Variants in SHROOM3 observed in about 807,000 individuals in gnomAD.
SHROOM3 encodes the protein protein Shroom3.
A neutral mutation model predicts 138.6 loss-of-function variants in SHROOM3; 47 were observed. The ratio of observed to expected loss-of-function variants is 0.34; its 90% CI spans 0.27 to 0.43. The LOEUF (loss-of-function observed/expected upper bound fraction) is 0.43, where lower values mean the gene tolerates loss of function less well. SHROOM3 is among the 20% of genes least tolerant of loss of function. The probability of loss-of-function intolerance (pLI) is 1.00; values close to 1 mark genes in which losing one functional copy is unlikely to be tolerated. For missense variants in SHROOM3, 2,491 were observed against 2,596.5 expected (o/e 0.96, Z 0.88); for synonymous variants, 1,062 against 1,063.3 (o/e 1.00, Z 0.02).
At chr4:76,669,953 T>TA (rs1718829444) in intron 2 of SHROOM3, among the ~76,000 whole-genome samples, 1 of 152,198 alleles carries the variant, frequency 6.6e-6, no homozygotes, top group Admixed American at 6.5e-5. Flanking sequence ...CAGACTGAGG[T>TA]AATCTTTCTC....
Position 76,756,577 on chromosome 4 carries a change from C to T in SHROOM3, c.4838C>T (p.Thr1613Ile), listed in dbSNP as rs374441527. ...TSIKGSEAES[T>I]PPSFMSVHAQ... ...ATCAAGGGTTCAGAGGCTGAGTCCA[C>T]ACCACCCTCCTTCATGAGCGTTCAC... is the stretch of plus-strand genomic sequence containing the variant. Residue 1613 changes from threonine (T) to isoleucine (I), a missense_variant, in exon 8 of 11, where the codon ACA (threonine) becomes ATA (isoleucine). Transcript: ENST00000296043. The T allele has an allele frequency of 2.3e-5, 37 of 1,613,714 alleles. No individual in the cohort carries two copies. The highest frequency in any genetic ancestry group is 2.8e-5 in the Non-Finnish European group (33 of 1,180,018).
At chr4:76,529,546 C>G (rs1242051601) in intron 1 of SHROOM3, among the ~76,000 whole-genome samples, 2 of 152,048 alleles carry the variant, frequency 1.3e-5, no homozygotes. Context: ...AGGATGGTCT[C>G]GATCTCCTGA....
chr4:76,640,732 C>T (rs1167670260), intron 2 of SHROOM3, among the ~76,000 whole-genome samples: 1 of 152,194 alleles, frequency 6.6e-6, no homozygotes, highest in African/African-American at 2.4e-5. Flanking sequence ...GCTGTGCAAG[C>T]CAAAATGCCC....
At chr4:76,550,093 A>AT (rs143509513) in intron 1 of SHROOM3, among the ~76,000 whole-genome samples, 11,676 of 151,756 alleles carry the variant, frequency 0.077, 508 homozygotes, top group African/African-American at 0.11. Context: ...GTGCGTTTTA[A>AT]TTTTTTTTTA....
intron 2 of SHROOM3, among the ~76,000 whole-genome samples, chr4:76,570,189 ACCAGTACT>A (rs1560549406): frequency 6.6e-6 from 1 of 151,570 alleles, no homozygotes; most frequent in Non-Finnish European, 1.5e-5. Context: ...ACACACGCAC[ACCAGTACT>A]TCTCAGCCTG....
intron 6 of SHROOM3, among the ~76,000 whole-genome samples, chr4:76,754,025 T>C (rs1244825302): frequency 1.3e-5 from 2 of 152,206 alleles, no homozygotes; most frequent in Non-Finnish European, 2.9e-5. Flanking sequence ...TTATGTTGCA[T>C]GGTGTGTACA....
intron 2 of SHROOM3, among the ~76,000 whole-genome samples, chr4:76,696,801 AT>A (rs1243703297): frequency 2.0e-5 from 3 of 152,200 alleles, no homozygotes; most frequent in Non-Finnish European, 4.4e-5. Context: ...TCTGGAAAGA[AT>A]TTGCATCAAA....
At chr4:76,770,329 A>T in intron 9 of SHROOM3, among the ~76,000 whole-genome samples, 1 of 110,500 alleles carries the variant, frequency 9.0e-6, no homozygotes, top group East Asian at 3.3e-4. Flanking sequence ...TGTCTCAAAA[A>T]AAAAAAAAAA....
chr4:76,544,718 C>A (rs1029782714), intron 1 of SHROOM3, among the ~76,000 whole-genome samples: 7 of 152,082 alleles, frequency 4.6e-5, no homozygotes, highest in African/African-American at 1.7e-4. Flanking sequence ...TATATATTGC[C>A]TCTTTTGAGA....
intron 1 of SHROOM3, among the ~76,000 whole-genome samples, chr4:76,500,280 G>A (rs547983916): frequency 6.6e-6 from 1 of 152,308 alleles, no homozygotes; most frequent in East Asian, 1.9e-4. Flanking sequence ...GGAAATGGGA[G>A]ATGGGGCCTC....
intron 1 of SHROOM3, among the ~76,000 whole-genome samples, chr4:76,499,391 T>TC (rs1732041900): frequency 6.6e-6 from 1 of 152,236 alleles, no homozygotes; most frequent in Non-Finnish European, 1.5e-5. Flanking sequence ...TATGATTAGC[T>TC]CGCTTTTGTT....
At chr4:76,625,617 T>C (rs577188177) in intron 2 of SHROOM3, among the ~76,000 whole-genome samples, 21 of 152,318 alleles carry the variant, frequency 1.4e-4, no homozygotes, top group South Asian at 8.3e-4. Flanking sequence ...GCCTCATACC[T>C]GACCACAGCA....
intron 2 of SHROOM3, among the ~76,000 whole-genome samples, chr4:76,651,401 A>ATATATATATATATAT (rs1735955382): frequency 1.2e-5 from 1 of 86,790 alleles, no homozygotes; most frequent in Non-Finnish European, 2.4e-5. Flanking sequence ...GTAACCCATA[A>ATATATATATATATAT]ATATATATAT....
intron 2 of SHROOM3, among the ~76,000 whole-genome samples, chr4:76,691,537 A>G (rs1719539998): frequency 1.3e-5 from 2 of 152,192 alleles, no homozygotes; most frequent in South Asian, 4.1e-4. Flanking sequence ...GGAGTTACCA[A>G]TCCTTTTCTA....
intron 2 of SHROOM3, among the ~76,000 whole-genome samples, chr4:76,572,339 G>A (rs145338092): frequency 1.4e-3 from 220 of 152,282 alleles, no homozygotes; most frequent in African/African-American, 5.1e-3. Context: ...TGTATACCGT[G>A]ATAGGTGACA....
chr4:76,536,073 A>G lies in SHROOM3; in HGVS notation c.169-19536A>G, dbSNP rs75972380. 8.9e-3 allele frequency among the ~76,000 whole-genome samples: 1,360 copies of G among 152,362 alleles called. 23 individuals are homozygous for G. Among genetic ancestry groups the G allele is most frequent in the African/African-American group, 0.03 (1,239 of 41,588 alleles). On this transcript the variant is annotated intron_variant, in intron 1 of 10. Coordinates refer to ENST00000296043, the MANE Select transcript of SHROOM3 (RefSeq NM_020859.4). ...ACTCATCTTACAAGATCTATGAAGC[A>G]TGGATTTCAAAATATTTGGGCCACC...
chr4:76,778,200 A>G (rs1360384612), intron 10 of SHROOM3, among the ~76,000 whole-genome samples: 3 of 151,444 alleles, frequency 2.0e-5, no homozygotes, highest in Non-Finnish European at 2.9e-5. Flanking sequence ...GTATTCATGT[A>G]TATACTCAAG....
intron 4 of SHROOM3, among the ~76,000 whole-genome samples, chr4:76,731,385 A>G (rs559512532): frequency 3.3e-5 from 5 of 152,216 alleles, no homozygotes; most frequent in Non-Finnish European, 5.9e-5. Flanking sequence ...GGCACAACTA[A>G]TGTACTGAGG....
intron 1 of SHROOM3, among the ~76,000 whole-genome samples, chr4:76,486,744 G>C (rs1157167351): frequency 6.6e-6 from 1 of 152,056 alleles, no homozygotes; most frequent in Admixed American, 6.6e-5. Flanking sequence ...TACAATCTCA[G>C]CCCTAGTGGT....
Sources: gnomAD v4.1 joint callset for allele counts (sites outside exome capture counted in the v4.1 genomes callset) on GRCh38, gnomAD v4.1.1 for gene constraint, MANE v1.5 for transcripts, NCBI Gene and HGNC (gene_info 2026-07-23, HGNC 2026-07-21) for gene names.